Variants in COMT observed in about 807,000 individuals in gnomAD.
COMT encodes the protein catechol-O-methyltransferase.
In COMT, 13 loss-of-function variants were observed where a neutral mutation model predicts 18.9. That is an observed-to-expected ratio of 0.69 (90% confidence interval 0.45 to 1.09). The LOEUF (loss-of-function observed/expected upper bound fraction) is 1.09. Ranked by LOEUF, COMT falls within the 50% of genes least tolerant of loss-of-function variation. COMT has a pLI of 0.00. For missense variants in COMT, 329 were observed against 361.8 expected, an observed-to-expected ratio of 0.91 and a Z score of 0.73; for synonymous variants, 150 against 160.9, an observed-to-expected ratio of 0.93 and a Z score of 0.51.
Position 19,969,694 on chromosome 22 carries a change from C to T in COMT, c.*958C>T, listed in dbSNP as rs1279423026. ...AGGCCTGGCTAGCCCCCAGCCAGCC[C>T]ACTCCTATGGATAGACAGACCAGTG... On this transcript the variant is annotated 3_prime_UTR_variant, in exon 6 of 6. Transcript: ENST00000361682. 2.8e-6 allele frequency: 1 copy of T among 362,584 alleles called. No homozygotes were observed. The highest frequency in any genetic ancestry group is 3.8e-6 in the Non-Finnish European group (1 of 260,986). The allele number at this position is 362,584 out of a possible 1,614,324, so 22.5% of individuals were successfully genotyped here. A position where few individuals can be genotyped will look rare whatever the true frequency, so the allele number is the denominator to read the frequency against.
chr22:19,947,274 A>G (rs544149826), intron 1 of COMT, among the ~76,000 whole-genome samples: 3 of 152,268 alleles, frequency 2.0e-5, no homozygotes, highest in East Asian at 3.9e-4. Flanking sequence ...GTCCAGCCCT[A>G]CAGGGTCTGT....
At chr22:19,948,954 CAAAAAAAAAAA>C (rs71186636) in intron 1 of COMT, among the ~76,000 whole-genome samples, 1 of 86,864 alleles carries the variant, frequency 1.2e-5, no homozygotes, top group African/African-American at 4.2e-5. Flanking sequence ...GACTCTGTCT[CAAAAAAAAAAA>C]AAAAAAAAAA....
At chr22:19,952,996 AT>A in intron 1 of COMT, among the ~76,000 whole-genome samples, 1 of 55,030 alleles carries the variant, frequency 1.8e-5, no homozygotes, top group East Asian at 3.9e-4. Flanking sequence ...AAATAAATAA[AT>A]AAATAAATAA....
Position 19,968,656 on chromosome 22 carries a change from T to C in COMT, c.736T>C (p.Ser246Pro), listed in dbSNP as rs1420108621. ...CTGCTTTGAGTGCACACACTACCAA[T>C]CGTTCCTGGAATACAGGGAGGTGGT... ...SSCFECTHYQ[S>P]FLEYREVVDG... The change falls in exon 6 of 6, where the codon TCG (serine) becomes CCG (proline). Residue 246 changes from serine to proline, a missense_variant. By Grantham distance (74) the Ser-to-Pro change is moderately conservative. Coordinates refer to ENST00000361682, the MANE Select transcript of COMT (RefSeq NM_000754.4). 1 of 1,613,916 alleles carries C rather than the reference T, an allele frequency of 6.2e-7. No individual in the cohort carries two copies. The highest frequency in any genetic ancestry group is 8.5e-7 in the Non-Finnish European group (1 of 1,180,004).
Position 19,964,183 on chromosome 22 carries a change from G to A in COMT, c.499G>A (p.Gly167Arg). Reference sequence around the variant, plus strand: ...GCTGTTCCAGGTCACCCTTGTGGTTGGAGCGTCCCAGGACATCATCCCCCA... The same window carrying A: ...GCTGTTCCAGGTCACCCTTGTGGTTAGAGCGTCCCAGGACATCATCCCCCA... ...GVKDKVTLVV[G>R]ASQDIIPQLK... is the part of the protein sequence containing the mutation. Residue 167 changes from glycine to arginine, a missense_variant, in exon 5 of 6, where the codon GGA (glycine) becomes AGA (arginine). By Grantham distance (125) the Gly-to-Arg change is moderately radical. Transcript: ENST00000361682. 1.2e-6 allele frequency: 2 copies of A among 1,614,128 alleles called. No individual in the cohort carries two copies. Among genetic ancestry groups the A allele is most frequent in the Non-Finnish European group, 1.7e-6 (2 of 1,180,042 alleles).
chr22:19,967,560 G>A (rs556544357), intron 5 of COMT: 3 of 370,214 alleles, frequency 8.1e-6, no homozygotes, highest in East Asian at 7.2e-5. Flanking sequence ...GGCTGGAAAC[G>A]ACCGCCACCC....
chr22:19,945,491 T>C (rs896838786), intron 1 of COMT, among the ~76,000 whole-genome samples: 1 of 152,204 alleles, frequency 6.6e-6, no homozygotes, highest in Non-Finnish European at 1.5e-5. Context: ...CAGATTCTTA[T>C]TGAAGTTATT....
chr22:19,967,619 G>A (rs1942488889), intron 5 of COMT: 2 of 331,318 alleles, frequency 6.0e-6, no homozygotes, highest in East Asian at 1.7e-4. Flanking sequence ...GCCCATCCCA[G>A]AGGCATGTGG....
intron 5 of COMT, chr22:19,967,289 C>T (rs1229947789): frequency 8.8e-7 from 1 of 1,139,440 alleles, no homozygotes; most frequent in Admixed American, 2.3e-5. Context: ...TCATGCATTC[C>T]CTGGCCCAGA....
chr22:19,952,475 C>T (rs1035714783), intron 1 of COMT, among the ~76,000 whole-genome samples: 19 of 150,746 alleles, frequency 1.3e-4, no homozygotes, highest in Admixed American at 2.6e-4. Flanking sequence ...CCGTCTCTAC[C>T]AAAAACACAA....
chr22:19,954,150 C>T (rs913928415), intron 1 of COMT, among the ~76,000 whole-genome samples: 2 of 150,804 alleles, frequency 1.3e-5, no homozygotes, highest in African/African-American at 2.4e-5. Flanking sequence ...GTGGTCCCTG[C>T]AGCACCTGGC....
chr22:19,966,165 T>C (rs571624971), intron 5 of COMT, among the ~76,000 whole-genome samples: 8 of 152,338 alleles, frequency 5.3e-5, no homozygotes, highest in African/African-American at 1.2e-4. Context: ...AAGTCATGAA[T>C]TGGGAATGGG....
intron 1 of COMT, among the ~76,000 whole-genome samples, chr22:19,951,962 G>A (rs1941948966): frequency 6.6e-6 from 1 of 152,190 alleles, no homozygotes; most frequent in Non-Finnish European, 1.5e-5. Context: ...TTCTCAGGCA[G>A]GCGCTTTGAA....
At chr22:19,945,651 A>G (rs1941824116) in intron 1 of COMT, among the ~76,000 whole-genome samples, 1 of 152,114 alleles carries the variant, frequency 6.6e-6, no homozygotes, top group Non-Finnish European at 1.5e-5. Context: ...GGTTAAGAGA[A>G]AAGGGAAAGG....
rs1942280232 is a variant in COMT, at chr22:19,964,221, G to A, written c.537G>A (p.Lys179=). The change falls in exon 5 of 6, where the codon AAG becomes AAA. Residue 179 remains lysine, a synonymous_variant. Transcript: ENST00000361682. ...SQDIIPQLKK[K]YDVDTLDMVF... is the part of the protein sequence containing the mutation. ...ACATCATCCCCCAGCTGAAGAAGAA[G>A]TATGATGTGGACACACTGGACATGG... 1.2e-6 allele frequency: 2 copies of A among 1,614,056 alleles called. No individual in the cohort carries two copies. Among genetic ancestry groups the A allele is most frequent in the Admixed American group, 1.7e-5 (1 of 60,014 alleles).
intron 1 of COMT, among the ~76,000 whole-genome samples, chr22:19,943,650 A>AT (rs1034087282): frequency 5.4e-5 from 8 of 149,200 alleles, no homozygotes; most frequent in African/African-American, 9.7e-5. Context: ...TAAAAAAAAA[A>AT]AATAATAATA....
intron 1 of COMT, among the ~76,000 whole-genome samples, chr22:19,950,261 T>TTTTTTTTTGTTTTG (rs763598655): frequency 7.5e-6 from 1 of 132,724 alleles, no homozygotes; most frequent in Non-Finnish European, 1.6e-5. Flanking sequence ...TTTTTTTTTT[T>TTTTTTTTTGTTTTG]TTCTGTAGAG....
At chr22:19,962,321 CTCTG>C in intron 2 of COMT, 1 of 788,862 alleles carries the variant, frequency 1.3e-6, no homozygotes. Flanking sequence ...CACACACCTG[CTCTG>C]TCTACCCGAG....
intron 2 of COMT, chr22:19,962,227 T>G: frequency 4.2e-6 from 2 of 480,906 alleles, no homozygotes; most frequent in South Asian, 2.2e-5. Context: ...TTTTGTGTGG[T>G]TTTAGAGGAT....
Sources: allele counts gnomAD v4.1 joint callset (sites outside exome capture counted in the v4.1 genomes callset), GRCh38; gene constraint gnomAD v4.1.1; transcripts MANE v1.5; gene names NCBI Gene and HGNC (gene_info 2026-07-23, HGNC 2026-07-21).